DLG2: variants seen among roughly 807,000 people sequenced by gnomAD.
DLG2 encodes discs large MAGUK scaffold protein 2.
Under a neutral mutation model 132.5 loss-of-function variants are expected in DLG2, and 45 were observed. That is an observed-to-expected ratio of 0.34 (90% CI 0.27 to 0.44). The LOEUF (loss-of-function observed/expected upper bound fraction) is 0.44. DLG2 is among the 20% of genes least tolerant of loss of function. The pLI is 1.00. For synonymous variants in DLG2, 424 were observed against 419.6 expected, an observed-to-expected ratio of 1.01 and a Z score of -0.13; for missense variants, 1,045 against 1,196.9, an observed-to-expected ratio of 0.87 and a Z score of 1.87.
At chr11:84,971,569 A>G (rs1393081168) in intron 6 of DLG2, among the ~76,000 whole-genome samples, 1 of 152,198 alleles carries the variant, frequency 6.6e-6, no homozygotes, top group Non-Finnish European at 1.5e-5. Context: ...TTTTTTACAT[A>G]AGAATAACTG....
Position 84,226,623 on chromosome 11 carries a change from T to C in DLG2, c.573+24615A>G, listed in dbSNP as rs147269466. Among the ~76,000 whole-genome samples the C allele has an allele frequency of 4.5e-3, 693 of 152,308 alleles. 1 individual carries two copies. Among genetic ancestry groups the C allele is most frequent in the Admixed American group, 7.5e-3 (114 of 15,302 alleles). On this transcript the variant is annotated intron_variant, in intron 8 of 27. Transcript: ENST00000376104. ...ACTATGTGCCCAGAAAGTAATTAGG[T>C]TCAAGAATGATTTTAAATCAATTTG...
At chr11:83,552,463 T>C (rs79876256) in intron 19 of DLG2, among the ~76,000 whole-genome samples, 2,908 of 152,204 alleles carry the variant, frequency 0.019, 95 homozygotes, top group African/African-American at 0.066. Context: ...GGTGCTGCTC[T>C]GGGATTGTAG....
intron 15 of DLG2, among the ~76,000 whole-genome samples, chr11:83,876,061 G>C (rs2064717970): frequency 6.6e-6 from 1 of 152,116 alleles, no homozygotes; most frequent in Non-Finnish European, 1.5e-5. Flanking sequence ...TTCAGGACTT[G>C]GACTATGTAG....
chr11:85,108,247 A>G (rs1249424666), intron 6 of DLG2, among the ~76,000 whole-genome samples: 4 of 152,104 alleles, frequency 2.6e-5, no homozygotes, highest in Non-Finnish European at 5.9e-5. Flanking sequence ...CCAGAGTAGA[A>G]CAACAAAGAG....
intron 8 of DLG2, among the ~76,000 whole-genome samples, chr11:84,211,779 C>T (rs188853009): frequency 8.5e-4 from 130 of 152,244 alleles, no homozygotes; most frequent in African/African-American, 2.9e-3. Flanking sequence ...AGATTTAACT[C>T]AGCAGAAAAA....
chr11:84,999,474 C>T (rs767791738), intron 6 of DLG2, among the ~76,000 whole-genome samples: 2 of 151,984 alleles, frequency 1.3e-5, no homozygotes, highest in Non-Finnish European at 2.9e-5. Context: ...CATCACTTGA[C>T]GTATGATTTG....
At chr11:83,814,512 G>C (rs961427097) in intron 17 of DLG2, 1 of 210,924 alleles carries the variant, frequency 4.7e-6, no homozygotes, top group Non-Finnish European at 1.0e-5. Context: ...TTTACAAATG[G>C]GCCACATCTT....
intron 3 of DLG2, among the ~76,000 whole-genome samples, chr11:85,408,154 A>C (rs1251805754): frequency 6.7e-6 from 1 of 149,472 alleles, no homozygotes; most frequent in Non-Finnish European, 1.5e-5. Flanking sequence ...TATTTATAAA[A>C]TAAGATTTAA....
intron 6 of DLG2, chr11:84,800,788 G>A (rs186226425): frequency 1.3e-5 from 2 of 152,176 alleles, no homozygotes; most frequent in East Asian, 1.9e-4. Flanking sequence ...TTTGACAAAC[G>A]GATTTTAACA....
chr11:84,268,163 T>C lies in DLG2; in HGVS notation c.520-16872A>G, dbSNP rs191561406. 3.3e-5 allele frequency among the ~76,000 whole-genome samples: 5 copies of C among 152,306 alleles called. No individual in the cohort carries two copies. In the East Asian group the frequency reaches 5.8e-4, roughly 18 times the overall value. On this transcript the variant is annotated intron_variant, in intron 7 of 27. Coordinates refer to ENST00000376104, the MANE Select transcript of DLG2 (RefSeq NM_001142699.3). Reference sequence around the variant, plus strand: ...TTAACCTCTCACCTCCCTCATCTTGTAAACCCCTGTTTTAAAACTGTCTCA... The same window carrying C: ...TTAACCTCTCACCTCCCTCATCTTGCAAACCCCTGTTTTAAAACTGTCTCA...
intron 6 of DLG2, among the ~76,000 whole-genome samples, chr11:84,601,021 T>C (rs1381075438): frequency 6.6e-6 from 1 of 152,210 alleles, no homozygotes; most frequent in Non-Finnish European, 1.5e-5. Flanking sequence ...ATATGAACTT[T>C]GCTCACTTCA....
Position 84,299,958 on chromosome 11 carries a change from T to C in DLG2, c.520-48667A>G, listed in dbSNP as rs370852813. Among the ~76,000 whole-genome samples, 66 of 152,218 alleles carry C rather than the reference T, an allele frequency of 4.3e-4. 1 individual carries two copies. In the South Asian group the frequency reaches 0.013, roughly 30 times the overall value. On this transcript the variant is annotated intron_variant, in intron 7 of 27. Coordinates refer to ENST00000376104, the MANE Select transcript of DLG2 (RefSeq NM_001142699.3). ...GTTGTTGCATCTGTAAGTTTTATTC[T>C]AAATATTAGAATCAGCAGTATAAGA... is the stretch of plus-strand genomic sequence containing the variant.
chr11:83,677,352 G>T (rs2077919322), intron 18 of DLG2, among the ~76,000 whole-genome samples: 1 of 152,128 alleles, frequency 6.6e-6, no homozygotes, highest in South Asian at 2.1e-4. Flanking sequence ...TTTAACTGCT[G>T]TATTTTCAGA....
At chr11:83,804,248 A>C (rs1411423422) in intron 17 of DLG2, among the ~76,000 whole-genome samples, 1 of 152,108 alleles carries the variant, frequency 6.6e-6, no homozygotes, top group Non-Finnish European at 1.5e-5. Flanking sequence ...CAAGAGGAGG[A>C]GATCTGAATA....
intron 6 of DLG2, among the ~76,000 whole-genome samples, chr11:85,050,171 T>C (rs570464179): frequency 7.3e-6 from 1 of 137,016 alleles, no homozygotes; most frequent in Admixed American, 7.3e-5. Context: ...ACATACATCT[T>C]CTGAACTGAG....
intron 6 of DLG2, among the ~76,000 whole-genome samples, chr11:84,998,224 C>T (rs7951814): frequency 0.69 from 104,049 of 151,706 alleles, 36,859 homozygotes; most frequent in East Asian, 0.92. Context: ...GAATTGTAAT[C>T]CCCATAATCC....
intron 3 of DLG2, among the ~76,000 whole-genome samples, chr11:85,521,604 A>C (rs1424156086): frequency 6.6e-6 from 1 of 152,202 alleles, no homozygotes; most frequent in African/African-American, 2.4e-5. Flanking sequence ...GCTGAGAACA[A>C]GACAAAAAAA....
chr11:83,480,446 C>T, intron 22 of DLG2: 5 of 1,532,006 alleles, frequency 3.3e-6, no homozygotes, highest in Non-Finnish European at 4.4e-6. Flanking sequence ...TAAAGAGATA[C>T]CAAGCATTGA....
At chr11:84,459,169 G>GT (rs1457665608) in intron 7 of DLG2, among the ~76,000 whole-genome samples, 2 of 150,464 alleles carry the variant, frequency 1.3e-5, no homozygotes, top group African/African-American at 4.9e-5. Flanking sequence ...TAATCTATCA[G>GT]TTTCCTCTTT....
Sources: allele counts gnomAD v4.1 joint callset (sites outside exome capture counted in the v4.1 genomes callset), GRCh38; gene constraint gnomAD v4.1.1; transcripts MANE v1.5; gene names NCBI Gene and HGNC (gene_info 2026-07-23, HGNC 2026-07-21).